Variants in DCST1 observed in about 807,000 individuals in gnomAD.
DCST1 encodes the protein E3 ubiquitin-protein ligase DCST1.
DCST1 carries 78 observed loss-of-function variants against 89.1 expected under a neutral mutation model. That is an observed-to-expected ratio of 0.88 (90% CI 0.73 to 1.06). DCST1 has a LOEUF of 1.06. DCST1 is among the 50% of genes least tolerant of loss of function. The pLI is 0.00. For synonymous variants in DCST1, 364 were observed against 371.9 expected (o/e 0.98, Z 0.24); for missense variants, 900 against 928.6 (o/e 0.97, Z 0.40).
chr1:155,037,302 C>T (rs183747777), intron 4 of DCST1, among the ~76,000 whole-genome samples: 4 of 152,200 alleles, frequency 2.6e-5, no homozygotes, highest in African/African-American at 9.6e-5. Flanking sequence ...CTTCCTGCAG[C>T]GCCAGTCCCT....
chr1:155,039,818 C>T (rs927571309), intron 5 of DCST1, among the ~76,000 whole-genome samples: 2 of 150,966 alleles, frequency 1.3e-5, no homozygotes, highest in Admixed American at 1.3e-4. Flanking sequence ...TGGTGAAACC[C>T]CATCTCTACT....
chr1:155,034,387 A>G (rs1305134668), intron 2 of DCST1, 48 bp from the exon 3 acceptor site: 1 of 1,613,158 alleles, frequency 6.2e-7, no homozygotes, highest in East Asian at 2.2e-5. Context: ...AATGAGCCCC[A>G]TCCCAGGCAG....
intron 4 of DCST1, among the ~76,000 whole-genome samples, chr1:155,036,751 T>C (rs1050274053): frequency 6.6e-6 from 1 of 152,254 alleles, no homozygotes; most frequent in African/African-American, 2.4e-5. Flanking sequence ...ATTGTCCCCT[T>C]GGAGGCTGTG....
At chr1:155,045,557 T>G (rs1412641734) in intron 10 of DCST1, 1 of 344,208 alleles carries the variant, frequency 2.9e-6, no homozygotes, top group Non-Finnish European at 5.5e-6. Context: ...ATATTCATCC[T>G]GTAAGATGCA....
chr1:155,041,900 G>T, intron 8 of DCST1, 43 bp downstream of exon 8: 1 of 1,611,250 alleles, frequency 6.2e-7, no homozygotes, highest in Non-Finnish European at 8.5e-7. Flanking sequence ...GGGGTAGGGA[G>T]CTGAGTCCTT....
At chr1:155,040,413 G>A (rs12132015) in intron 5 of DCST1, 72 bp from the exon 6 acceptor site, 3 of 1,508,924 alleles carry the variant, frequency 2.0e-6, no homozygotes, top group South Asian at 1.3e-5. Flanking sequence ...ACTATTTGCA[G>A]AGGGAAGCTG....
Position 155,040,504 on chromosome 1 carries a change from A to G in DCST1, c.411A>G (p.Arg137=), listed in dbSNP as rs764843160. 6.2e-7 allele frequency: 1 copy of G among 1,600,042 alleles called. No homozygotes were observed. Among genetic ancestry groups the G allele is most frequent in the Admixed American group, 1.7e-5 (1 of 58,336 alleles). Reference sequence around the variant, plus strand: ...CTCCAGGGCCAGTAGCCAATCTGCGACACAATCTCAACAACGTGATCGCAT... The same window carrying G: ...CTCCAGGGCCAGTAGCCAATCTGCGGCACAATCTCAACAACGTGATCGCAT... ...AIYVGPVANL[R]HNLNNVIASL... Residue 137 remains arginine, a synonymous_variant, in exon 6 of 17, where the codon CGA becomes CGG. Transcript: ENST00000295542.
In DCST1 at chr1:155,046,428, T is replaced by G; in HGVS notation, c.1437T>G (p.Ala479=). ...LLVVLCGLDW[A]LYSIFDTIRH... ...TGGTGCTGTGTGGCTTGGACTGGGC[T>G]CTCTACTCCATCTTCGACACCATCC... The change falls in exon 13 of 17, where the codon GCT becomes GCG. Residue 479 remains alanine (A), a synonymous_variant. Coordinates refer to ENST00000295542, the MANE Select transcript of DCST1 (RefSeq NM_152494.4). The G allele has an allele frequency of 6.2e-7, 1 of 1,613,844 alleles. No homozygotes were observed. Among genetic ancestry groups the G allele is most frequent in the South Asian group, 1.1e-5 (1 of 91,074 alleles).
chr1:155,041,518 C>T lies in DCST1; in HGVS notation c.653C>T (p.Thr218Ile). Residue 218 changes from threonine to isoleucine, a missense_variant, in exon 7 of 17, where the codon ACA becomes ATA. Coordinates refer to ENST00000295542, the MANE Select transcript of DCST1 (RefSeq NM_152494.4). The part of the protein sequence containing the change: ...TPEDTMDSGE[T>I]AQGREARQAP... Reference sequence around the variant, plus strand: ...GAGGATACCATGGACTCAGGGGAGACAGCCCAGGGCAGGGAGGCCCGCCAA... The same window carrying T: ...GAGGATACCATGGACTCAGGGGAGATAGCCCAGGGCAGGGAGGCCCGCCAA... 1 of 1,614,020 alleles carries T rather than the reference C, an allele frequency of 6.2e-7. No homozygotes were observed. The highest frequency in any genetic ancestry group is 8.5e-7 in the Non-Finnish European group (1 of 1,180,040).
intron 16 of DCST1, among the ~76,000 whole-genome samples, chr1:155,049,706 T>C (rs976896728): frequency 7.9e-5 from 12 of 152,302 alleles, no homozygotes; most frequent in Middle Eastern, 3.4e-3. Context: ...TGTGTTTGCT[T>C]AGCTTTTTCC....
rs1229423527 is a variant in DCST1, at chr1:155,043,502, C to A, written c.1165C>A (p.Leu389Met). 1.3e-6 allele frequency: 2 copies of A among 1,587,988 alleles called. No individual in the cohort carries two copies. The highest frequency in any genetic ancestry group is 1.7e-5 in the Admixed American group (1 of 58,300). Reference protein sequence around the residue: ...VLLSCTFLLVLHASFSYMDSY... With the variant: ...VLLSCTFLLVMHASFSYMDSY... ...GCTCTCCTGCACTTTCCTGCTGGTC[C>A]TGCATGCGTGAGCCATAGTCCCCAC... Residue 389 changes from leucine to methionine, a missense_variant, in exon 10 of 17, where the codon CTG (leucine) becomes ATG (methionine). Coordinates refer to ENST00000295542, the MANE Select transcript of DCST1 (RefSeq NM_152494.4).
intron 4 of DCST1, among the ~76,000 whole-genome samples, chr1:155,036,094 G>A (rs1298828273): frequency 6.9e-6 from 1 of 145,356 alleles, no homozygotes; most frequent in East Asian, 2.0e-4. Flanking sequence ...CTTTCCTCAT[G>A]TCTCTTTTTA....
rs1168980336 is a variant in DCST1 at position 155,048,037 on chromosome 1, G to A, written c.1756-20G>A. On this transcript the variant is annotated intron_variant, in intron 15 of 16. Transcript: ENST00000295542. ...TTGGGGGATGCCTTTCTCTATCATT[G>A]ACCCCCTTCCTGCCCCCAGCGAGAG... 1 of 1,613,164 alleles carries A rather than the reference G, an allele frequency of 6.2e-7. No homozygotes were observed. The highest frequency in any genetic ancestry group is 1.3e-5 in the African/African-American group (1 of 74,780).
chr1:155,035,952 G>A (rs1660269091), intron 4 of DCST1, among the ~76,000 whole-genome samples: 1 of 144,744 alleles, frequency 6.9e-6, no homozygotes, highest in South Asian at 2.2e-4. Flanking sequence ...AAGAATAGAA[G>A]TTCAATCCCA....
chr1:155,034,830 A>G, intron 4 of DCST1, 103 bp downstream of exon 4: 1 of 1,244,610 alleles, frequency 8.0e-7, no homozygotes, highest in Non-Finnish European at 1.2e-6. Context: ...CTGTACCCAT[A>G]CATCCCCTGT....
chr1:155,047,131 C>A, intron 13 of DCST1, 65 bp from the exon 14 acceptor site: 1 of 1,287,236 alleles, frequency 7.8e-7, no homozygotes, highest in South Asian at 1.2e-5. Context: ...CTGACATCCA[C>A]CCCCTTAACA....
chr1:155,041,320 G>A, intron 6 of DCST1, 77 bp from the exon 7 acceptor site: 7 of 1,481,164 alleles, frequency 4.7e-6, no homozygotes, highest in Non-Finnish European at 5.6e-6. Context: ...TGGCTACTGG[G>A]GGAGGACAGG....
chr1:155,038,952 G>A lies in DCST1; in HGVS notation c.263-451G>A, dbSNP rs541250615. 6.6e-5 allele frequency among the ~76,000 whole-genome samples: 10 copies of A among 152,342 alleles called. No individual in the cohort carries two copies. In the South Asian group the frequency reaches 2.1e-3, roughly 32 times the overall value. On this transcript the variant is annotated intron_variant, in intron 4 of 16. Transcript: ENST00000295542. Reference sequence around the variant, plus strand: ...ACCAAGGGCTAAAATTAGAGGCAGGGACTGCGAGTGCTGTAGGTGTCTGAG... The same window carrying A: ...ACCAAGGGCTAAAATTAGAGGCAGGAACTGCGAGTGCTGTAGGTGTCTGAG...
intron 16 of DCST1, among the ~76,000 whole-genome samples, chr1:155,048,605 C>T (rs957496636): frequency 4.6e-5 from 7 of 152,248 alleles, no homozygotes; most frequent in Admixed American, 3.3e-4. Context: ...CAGCCAAGCC[C>T]GGTGTAATCT....
Sources: allele counts gnomAD v4.1 joint callset (sites outside exome capture counted in the v4.1 genomes callset), GRCh38; gene constraint gnomAD v4.1.1; transcripts MANE v1.5; gene names NCBI Gene and HGNC (gene_info 2026-07-23, HGNC 2026-07-21).